KIAA1217: variants seen among roughly 807,000 people sequenced by gnomAD.
KIAA1217 encodes KIAA1217.
In KIAA1217, 88 loss-of-function variants were observed where a neutral mutation model predicts 163.9. That is an observed-to-expected ratio of 0.54 (90% CI 0.45 to 0.64). The LOEUF is 0.64. Among genes scored for constraint, KIAA1217 ranks in the 30% least tolerant of loss-of-function variants. The pLI is 0.00. For missense variants in KIAA1217, 2,372 were observed against 2,475.0 expected, an observed-to-expected ratio of 0.96 and a Z score of 0.88; for synonymous variants, 903 against 923.1, an observed-to-expected ratio of 0.98 and a Z score of 0.39.
chr10:24,008,425 T>C (rs888246727), intron 2 of KIAA1217, among the ~76,000 whole-genome samples: 3 of 152,130 alleles, frequency 2.0e-5, no homozygotes, highest in Non-Finnish European at 4.4e-5. Flanking sequence ...AAAAGTTCCC[T>C]GAGTGACGGT....
At chr10:24,536,186 C>T (rs973463587) in intron 16 of KIAA1217, among the ~76,000 whole-genome samples, 2 of 152,140 alleles carry the variant, frequency 1.3e-5, no homozygotes, top group Admixed American at 6.6e-5. Flanking sequence ...GACAAATCTC[C>T]AGGGTTCAGG....
intron 2 of KIAA1217, among the ~76,000 whole-genome samples, chr10:24,287,936 C>A (rs1181645532): frequency 6.6e-6 from 1 of 152,128 alleles, no homozygotes; most frequent in Non-Finnish European, 1.5e-5. Context: ...TCACTCTGGC[C>A]TTTAGTAGCC....
rs369305723 is a variant in KIAA1217 at position 24,542,639 on chromosome 10, T to A, written c.3535-54T>A. Reference sequence around the variant, plus strand: ...AAGGAACGATTTAGTTATAGTCCACTTTTTTGGGGGGATGTGGTTTTGTGG... The same window carrying A: ...AAGGAACGATTTAGTTATAGTCCACATTTTTGGGGGGATGTGGTTTTGTGG... On this transcript the variant is annotated intron_variant, in intron 17 of 20. Coordinates refer to ENST00000376454, the MANE Select transcript of KIAA1217 (RefSeq NM_019590.5). 8.1e-6 allele frequency: 13 copies of A among 1,595,914 alleles called. No homozygotes were observed. The African/African-American group carries it at 1.7e-4, about 21-fold the overall frequency.
intron 1 of KIAA1217, among the ~76,000 whole-genome samples, chr10:23,780,065 C>T (rs1057057126): frequency 1.3e-5 from 2 of 152,158 alleles, no homozygotes; most frequent in African/African-American, 2.4e-5. Flanking sequence ...ATTTCTCACA[C>T]TGTAGCCCCG....
At chr10:24,088,937 C>T (rs1427887247) in intron 2 of KIAA1217, among the ~76,000 whole-genome samples, 1 of 124,622 alleles carries the variant, frequency 8.0e-6, no homozygotes, top group Non-Finnish European at 2.0e-5. Flanking sequence ...CCTATTTCTC[C>T]ACATCCTCTC....
In KIAA1217 at chr10:23,917,502, C is replaced by A. The variant is rs144994772; in HGVS notation, c.-320-89723C>A. 5.6e-3 allele frequency among the ~76,000 whole-genome samples: 859 copies of A among 152,292 alleles called. 11 individuals carry two copies. Among genetic ancestry groups the A allele is most frequent in the African/African-American group, 0.018 (765 of 41,574 alleles). On this transcript the variant is annotated intron_variant, in intron 1 of 18. Transcript: ENST00000376462. ...TGGAGACTCTGGACTGATGTGGGAG[C>A]AGCGGCCACAGAGGAAGAGGTGGTG...
chr10:23,843,018 T>A (rs1838861136), intron 1 of KIAA1217, among the ~76,000 whole-genome samples: 1 of 152,196 alleles, frequency 6.6e-6, no homozygotes, highest in African/African-American at 2.4e-5. Flanking sequence ...GGGCAGAAGT[T>A]GAGGAAGACT....
chr10:24,289,934 A>G (rs2132424312), intron 2 of KIAA1217, among the ~76,000 whole-genome samples: 1 of 152,246 alleles, frequency 6.6e-6, no homozygotes, highest in South Asian at 2.1e-4. Flanking sequence ...GAAGATACAG[A>G]TGGTCAAAGA....
chr10:23,954,536 G>T (rs966144228), intron 1 of KIAA1217, among the ~76,000 whole-genome samples: 3 of 151,704 alleles, frequency 2.0e-5, no homozygotes, highest in Non-Finnish European at 4.4e-5. Context: ...CTGCACTTCA[G>T]CCTGGACACC....
chr10:23,734,972 C>CT (rs1838709212), intron 1 of KIAA1217, among the ~76,000 whole-genome samples: 1 of 152,036 alleles, frequency 6.6e-6, no homozygotes, highest in African/African-American at 2.4e-5. Flanking sequence ...CCACCCTTTC[C>CT]TTCCATAAGC....
chr10:23,942,957 A>T (rs1001121678), intron 1 of KIAA1217, among the ~76,000 whole-genome samples: 1 of 151,658 alleles, frequency 6.6e-6, no homozygotes, highest in Admixed American at 6.6e-5. Flanking sequence ...AAAAAAAAAA[A>T]AAAAAACTAA....
intron 1 of KIAA1217, among the ~76,000 whole-genome samples, chr10:23,755,940 A>G (rs1490590297): frequency 6.6e-6 from 1 of 151,894 alleles, no homozygotes; most frequent in Non-Finnish European, 1.5e-5. Context: ...TCTGAGCCCT[A>G]TTTTATTTTT....
intron 2 of KIAA1217, among the ~76,000 whole-genome samples, chr10:24,092,272 A>C (rs1280116690): frequency 2.0e-5 from 3 of 150,476 alleles, no homozygotes; most frequent in African/African-American, 7.4e-5. Flanking sequence ...ACTATATCCA[A>C]CTCCTCACTT....
intron 1 of KIAA1217, among the ~76,000 whole-genome samples, chr10:23,824,187 C>T (rs1837759909): frequency 6.6e-6 from 1 of 151,882 alleles, no homozygotes; most frequent in African/African-American, 2.4e-5. Context: ...GTGGGAGGAT[C>T]ACTTGATCTG....
At chr10:24,381,558 C>T (rs1358029022) in intron 3 of KIAA1217, among the ~76,000 whole-genome samples, 9 of 152,144 alleles carry the variant, frequency 5.9e-5, no homozygotes, top group Non-Finnish European at 1.2e-4. Context: ...GTTGCATGCT[C>T]CTTATGAGAA....
intron 3 of KIAA1217, among the ~76,000 whole-genome samples, chr10:24,405,180 T>A (rs1370613041): frequency 1.3e-5 from 2 of 152,234 alleles, no homozygotes; most frequent in Middle Eastern, 3.2e-3. Context: ...CTCTGTGGGT[T>A]GCAGCAATGC....
intron 2 of KIAA1217, among the ~76,000 whole-genome samples, chr10:24,318,625 C>T (rs763597803): frequency 2.6e-5 from 4 of 152,066 alleles, no homozygotes; most frequent in Non-Finnish European, 5.9e-5. Context: ...TGGAGAACTC[C>T]GCCTTCTACA....
In KIAA1217 at chr10:24,010,693, G is replaced by GAA. The variant is rs112800971; in HGVS notation, c.-171+3332_-171+3333dup. Among the ~76,000 whole-genome samples, 451 of 128,952 alleles carry GAA rather than the reference G, an allele frequency of 3.5e-3. 1 individual carries two copies. Among genetic ancestry groups the GAA allele is most frequent in the African/African-American group, 0.012 (428 of 35,982 alleles). The allele number at this position is 128,952 out of a possible 152,430, so 84.6% of individuals were successfully genotyped here. On this transcript the variant is annotated intron_variant, in intron 2 of 18. Transcript: ENST00000376462. ...TGAGAGGAAGAAAACACATTTGCTGGAAAAAAAAAAAAAAGGGAACTTTAA... is the reference window on the plus strand; with the variant it reads ...TGAGAGGAAGAAAACACATTTGCTGGAAAAAAAAAAAAAAAAGGGAACTTTAA...
intron 2 of KIAA1217, among the ~76,000 whole-genome samples, chr10:24,316,297 G>A (rs1480255118): frequency 1.3e-5 from 2 of 152,160 alleles, no homozygotes; most frequent in Admixed American, 6.5e-5. Context: ...TAAGGGCAGA[G>A]GGATGGTGTT....
Sources: allele counts gnomAD v4.1 joint callset (sites outside exome capture counted in the v4.1 genomes callset), GRCh38; gene constraint gnomAD v4.1.1; transcripts MANE v1.5; gene names NCBI Gene and HGNC (gene_info 2026-07-23, HGNC 2026-07-21).